The following COL4A1 variants were observed in gnomAD, a reference collection of about 807,000 sequenced individuals.
COL4A1 encodes collagen alpha-1(IV) chain.
A neutral mutation model predicts 216.6 loss-of-function variants in COL4A1; 40 were observed. The observed-to-expected ratio is 0.18, with a 90% CI of 0.14 to 0.24. The LOEUF is 0.24. COL4A1 is among the 10% of genes least tolerant of loss of function. COL4A1 has a pLI of 1.00. For synonymous variants in COL4A1, 839 were observed against 810.7 expected, an observed-to-expected ratio of 1.03 and a Z score of -0.59; for missense variants, 1,628 against 2,196.8, an observed-to-expected ratio of 0.74 and a Z score of 5.18.
At chr13:110,244,940 T>C (rs9515173) in intron 1 of COL4A1, among the ~76,000 whole-genome samples, 24,609 of 152,204 alleles carry the variant, frequency 0.16, 2,157 homozygotes, top group Non-Finnish European at 0.21. Flanking sequence ...ATGCACATCT[T>C]AGAATTGATG....
chr13:110,300,755 C>G (rs1884459181), intron 1 of COL4A1, among the ~76,000 whole-genome samples: 2 of 152,168 alleles, frequency 1.3e-5, no homozygotes, highest in African/African-American at 4.8e-5. Flanking sequence ...TATTACTAAA[C>G]AATGGTAATT....
At chr13:110,209,502 T>TA (rs1205989872) in intron 10 of COL4A1, 75 bp from the exon 11 acceptor site, 1 of 1,021,490 alleles carries the variant, frequency 9.8e-7, no homozygotes, top group Non-Finnish European at 1.5e-6. Flanking sequence ...AGGCTGACGT[T>TA]ATCTTAAGAT....
At chr13:110,152,622 C>T (rs1454634616) in intron 50 of COL4A1, 116 bp from the exon 51 acceptor site, 1 of 1,206,660 alleles carries the variant, frequency 8.3e-7, no homozygotes, top group East Asian at 2.5e-5. Context: ...CACACTGCAG[C>T]CTCATGTGGT....
intron 1 of COL4A1, among the ~76,000 whole-genome samples, chr13:110,276,374 A>C (rs1427216029): frequency 6.6e-6 from 1 of 152,164 alleles, no homozygotes; most frequent in Non-Finnish European, 1.5e-5. Flanking sequence ...TGGTTCAATA[A>C]ATCACTGCAG....
chr13:110,291,905 A>G (rs935241052), intron 1 of COL4A1, among the ~76,000 whole-genome samples: 4 of 152,238 alleles, frequency 2.6e-5, no homozygotes, highest in African/African-American at 9.6e-5. Flanking sequence ...TAGATTCTAC[A>G]TGGCGATGCT....
In COL4A1 at chr13:110,162,386, G is replaced by T. The variant is rs757423812; in HGVS notation, c.4306C>A (p.Pro1436Thr). Residue 1436 changes from proline to threonine, a missense_variant, in exon 48 of 52, where the codon CCC (proline) becomes ACC (threonine). Coordinates refer to ENST00000375820, the MANE Select transcript of COL4A1 (RefSeq NM_001845.6). ...TGATCAACAGATGGGGTGCCTGGGG[G>T]CCCCATGGATCCTGGCAACCCATCG... ...GPDGLPGSMG[P>T]PGTPSVDHGF... is the part of the protein sequence containing the mutation. 1 of 1,614,222 alleles carries T rather than the reference G, an allele frequency of 6.2e-7. No individual in the cohort carries two copies. Among genetic ancestry groups the T allele is most frequent in the South Asian group, 1.1e-5 (1 of 91,090 alleles).
intron 1 of COL4A1, chr13:110,298,648 T>G (rs984125142): frequency 3.3e-5 from 5 of 152,218 alleles, no homozygotes; most frequent in Admixed American, 2.0e-4. Context: ...TGGCGGTCGT[T>G]AAGAATTCCT....
chr13:110,193,050 C>T (rs1878716402), intron 22 of COL4A1, 137 bp from the exon 23 acceptor site: 6 of 768,456 alleles, frequency 7.8e-6, no homozygotes, highest in Non-Finnish European at 1.4e-5. Context: ...GGCAATGGCT[C>T]CTCCAGACAG....
chr13:110,227,897 G>A (rs553928939), intron 2 of COL4A1, among the ~76,000 whole-genome samples: 489 of 152,284 alleles, frequency 3.2e-3, no homozygotes, highest in African/African-American at 5.7e-3. Context: ...TCGGGTCTCC[G>A]GGGAGGCCCG....
chr13:110,296,625 G>T (rs976979068), intron 1 of COL4A1, among the ~76,000 whole-genome samples: 1 of 152,218 alleles, frequency 6.6e-6, no homozygotes, highest in East Asian at 1.9e-4. Flanking sequence ...CTTCAGGGGA[G>T]ACCAGCTAGG....
At chr13:110,288,360 G>A (rs749231185) in intron 1 of COL4A1, among the ~76,000 whole-genome samples, 4 of 151,962 alleles carry the variant, frequency 2.6e-5, no homozygotes, top group Non-Finnish European at 5.9e-5. Context: ...CTTTGATCTT[G>A]CTGGTAAAAT....
chr13:110,247,834 T>TGTGTGTCAGAGAGAGAGGGAGGGAGG (rs1491092763), intron 1 of COL4A1, among the ~76,000 whole-genome samples: 1 of 87,294 alleles, frequency 1.1e-5, no homozygotes. Flanking sequence ...TGTGTGTGTG[T>TGTGTGTCAGAGAGAGAGGGAGGGAGG]GGCAGAGAGA....
intron 2 of COL4A1, among the ~76,000 whole-genome samples, chr13:110,227,737 C>T (rs1008224051): frequency 6.6e-6 from 1 of 152,226 alleles, no homozygotes; most frequent in African/African-American, 2.4e-5. Context: ...CTTGGTTCTC[C>T]ACAGGGAGAA....
chr13:110,276,155 T>A (rs1371396962), intron 1 of COL4A1, among the ~76,000 whole-genome samples: 1 of 152,060 alleles, frequency 6.6e-6, no homozygotes, highest in Non-Finnish European at 1.5e-5. Flanking sequence ...GCCATGCGTG[T>A]GCCCGAGAAG....
chr13:110,172,882 A>C, intron 40 of COL4A1, 112 bp from the exon 41 acceptor site: 1 of 873,174 alleles, frequency 1.1e-6, no homozygotes, highest in South Asian at 1.3e-5. Flanking sequence ...TGTGGAGTAC[A>C]TAGATATTAG....
At chr13:110,258,544 AAAAAG>A (rs1882678598) in intron 1 of COL4A1, among the ~76,000 whole-genome samples, 1 of 152,218 alleles carries the variant, frequency 6.6e-6, no homozygotes, top group South Asian at 2.1e-4. Context: ...CATCTCAAAA[AAAAAG>A]AAAAGAAAAT....
rs555594755 is a variant in COL4A1, at chr13:110,177,817, CT to C, written c.2716+24del. 4.5e-5 allele frequency: 73 copies of C among 1,611,772 alleles called. 1 individual carries two copies. The Admixed American group carries it at 6.8e-4, about 15-fold the overall frequency. On this transcript the variant is annotated intron_variant, in intron 33 of 51. Transcript: ENST00000375820. ...CATCGAGAAATAGACACAAAATGAG[CT>C]TCTAGGGTTATCAGCTCCCCTACCT... is the stretch of plus-strand genomic sequence containing the variant.
At chr13:110,165,624 T>C (rs1365517610) in intron 45 of COL4A1, among the ~76,000 whole-genome samples, 5 of 147,518 alleles carry the variant, frequency 3.4e-5, no homozygotes, top group Non-Finnish European at 7.5e-5. Flanking sequence ...CTCTCCTTCC[T>C]TGGGTTCCAC....
rs1206785791 is a variant in COL4A1 at position 110,211,293 on chromosome 13, C to G, written c.468+354G>C. On this transcript the variant is annotated intron_variant, in intron 8 of 51. Transcript: ENST00000375820. This position sits in a 1 kb window ranked among gnomAD's most constrained non-coding sequence, Gnocchi z 4.3. ...GCCGAGCCCCAAGACATCAACACCC[C>G]GCCTGGGAAAAGCTGCCCCAGGTTC... 6.6e-6 allele frequency among the ~76,000 whole-genome samples: 1 copy of G among 152,198 alleles called. No homozygotes were observed. The highest frequency in any genetic ancestry group is 2.4e-5 in the African/African-American group (1 of 41,442).
Sources: gnomAD v4.1 joint callset for allele counts (sites outside exome capture counted in the v4.1 genomes callset) on GRCh38, gnomAD v4.1.1 for gene constraint, Gnocchi (gnomAD v3.1) non-coding constraint, MANE v1.5 for transcripts, NCBI Gene and HGNC (gene_info 2026-07-23, HGNC 2026-07-21) for gene names.